Variants in UNC80 observed in about 807,000 individuals in gnomAD.
UNC80 encodes the protein protein unc-80 homolog.
UNC80 carries 164 observed loss-of-function variants against 384.6 expected under a neutral mutation model. The ratio of observed to expected loss-of-function variants is 0.43; its 90% CI spans 0.38 to 0.49. The LOEUF is 0.49. Ranked by LOEUF, UNC80 falls within the 20% of genes least tolerant of loss-of-function variation. The probability of loss-of-function intolerance (pLI) is 0.00; values close to 1 mark genes in which losing one functional copy is unlikely to be tolerated. For synonymous variants in UNC80, 1,486 were observed against 1,527.8 expected, an observed-to-expected ratio of 0.97 and a Z score of 0.64; for missense variants, 3,330 against 4,143.0, an observed-to-expected ratio of 0.80 and a Z score of 5.39.
intron 28 of UNC80, among the ~76,000 whole-genome samples, chr2:209,900,706 G>A (rs1245578410): frequency 6.6e-6 from 1 of 152,228 alleles, no homozygotes; most frequent in Non-Finnish European, 1.5e-5. Flanking sequence ...TGCACTGAAA[G>A]TTAGGCCTCT....
rs372351265 is a variant in UNC80 at position 209,822,856 on chromosome 2, A to G, written c.2331+2177A>G. Reference sequence around the variant, plus strand: ...ACCAGAGTTATCACTTTTGATCAGTATGGGATTTTTAAAGTCAGATTATGT... The same window carrying G: ...ACCAGAGTTATCACTTTTGATCAGTGTGGGATTTTTAAAGTCAGATTATGT... On this transcript the variant is annotated intron_variant, in intron 13 of 64. Coordinates refer to ENST00000673920, the MANE Select transcript of UNC80 (RefSeq NM_001371986.1). 5.3e-5 allele frequency among the ~76,000 whole-genome samples: 8 copies of G among 152,286 alleles called. No homozygotes were observed. In the East Asian group the frequency reaches 1.2e-3, roughly 22 times the overall value.
chr2:209,790,927 A>AT (rs1057121458), intron 6 of UNC80, among the ~76,000 whole-genome samples: 67 of 152,218 alleles, frequency 4.4e-4, no homozygotes, highest in East Asian at 3.9e-4. Context: ...TTAACAGGGT[A>AT]TTTTTTTCTT....
In UNC80 at chr2:209,829,878, A is replaced by T. The variant is rs544318617; in HGVS notation, c.2626+499A>T. The stretch of plus-strand genomic sequence containing the variant: ...CACAATTTTGACACACACATACTTA[A>T]TTTTTTTTAAAAAGGCAAATGGATG... On this transcript the variant is annotated intron_variant, in intron 15 of 64. Transcript: ENST00000673920. 2.0e-4 allele frequency among the ~76,000 whole-genome samples: 31 copies of T among 152,290 alleles called. No homozygotes were observed. The South Asian group carries it at 4.6e-3, about 22-fold the overall frequency.
At chr2:209,955,471 G>A (rs1205027650) in intron 48 of UNC80, among the ~76,000 whole-genome samples, 1 of 149,826 alleles carries the variant, frequency 6.7e-6, no homozygotes, top group Non-Finnish European at 1.5e-5. Context: ...AAGGAAATGG[G>A]AAGAGTTGGC....
chr2:209,866,490 C>CACACACAAACACACACA (rs1559226593), intron 22 of UNC80, among the ~76,000 whole-genome samples: 1 of 107,556 alleles, frequency 9.3e-6, no homozygotes, highest in African/African-American at 3.6e-5. Flanking sequence ...AAATGCACCC[C>CACACACAAACACACACA]CACACACACA....
At chr2:209,947,592 A>T (rs1047000182) in intron 47 of UNC80, among the ~76,000 whole-genome samples, 1 of 152,180 alleles carries the variant, frequency 6.6e-6, no homozygotes, top group African/African-American at 2.4e-5. Flanking sequence ...TTTAAACCAG[A>T]TGACATCTTG....
In UNC80 at chr2:209,872,454, C is replaced by T. The variant is rs1223083253; in HGVS notation, c.3628-304C>T. 2.0e-5 allele frequency among the ~76,000 whole-genome samples: 3 copies of T among 152,098 alleles called. No homozygotes were observed. The highest frequency in any genetic ancestry group is 1.3e-4 in the Admixed American group (2 of 15,274). On this transcript the variant is annotated intron_variant, in intron 22 of 64. Transcript: ENST00000673920. This position sits in a 1 kb window ranked among gnomAD's most constrained non-coding sequence, Gnocchi z 4.1. The stretch of plus-strand genomic sequence containing the variant: ...CACTCTACACTCAAATCGCTGTCAC[C>T]CTTAAATATACAAAGTTGGAGACAT...
chr2:209,844,476 T>TTTCTTTCC (rs2082015138), intron 21 of UNC80, among the ~76,000 whole-genome samples: 1 of 69,446 alleles, frequency 1.4e-5, no homozygotes, highest in African/African-American at 5.2e-5. Context: ...TCTTTCTTTC[T>TTTCTTTCC]TTCCTTCCTT....
intron 28 of UNC80, among the ~76,000 whole-genome samples, chr2:209,904,205 A>T (rs946072229): frequency 6.6e-6 from 1 of 152,258 alleles, no homozygotes; most frequent in African/African-American, 2.4e-5. Flanking sequence ...TCTAAAAGCC[A>T]GAGGAAAAAT....
At chr2:209,955,730 TATATATATACACAC>T (rs1395673714) in intron 48 of UNC80, among the ~76,000 whole-genome samples, 3 of 63,932 alleles carry the variant, frequency 4.7e-5, no homozygotes, top group East Asian at 3.7e-4. Context: ...TATATATATA[TATATATATACACAC>T]ACACACACAC....
At chr2:209,792,335 TTTTTG>T (rs1205916436) in intron 6 of UNC80, among the ~76,000 whole-genome samples, 1 of 152,068 alleles carries the variant, frequency 6.6e-6, no homozygotes, top group Admixed American at 6.5e-5. Context: ...TCTTAATACT[TTTTTG>T]TTTTGTTTTG....
chr2:209,803,579 T>C (rs1049919241), intron 7 of UNC80, among the ~76,000 whole-genome samples: 1 of 152,212 alleles, frequency 6.6e-6, no homozygotes, highest in South Asian at 2.1e-4. Flanking sequence ...TATGCCACCA[T>C]TATTGGCCTA....
At chr2:209,938,654 T>C (rs2091406247) in intron 42 of UNC80, among the ~76,000 whole-genome samples, 1 of 150,836 alleles carries the variant, frequency 6.6e-6, no homozygotes, top group Non-Finnish European at 1.5e-5. Context: ...CCCTAATCAA[T>C]AATGGTGCTT....
At position 209,926,871 on chromosome 2, in the gene UNC80, G is replaced by A. The variant is rs528937957; in HGVS notation, c.5691G>A (p.Pro1897=). The A allele has an allele frequency of 3.6e-5, 56 of 1,552,154 alleles. No homozygotes were observed. The highest frequency in any genetic ancestry group is 2.2e-4 in the Admixed American group (11 of 50,988). Residue 1897 remains proline (P), a synonymous_variant, in exon 36 of 65, where the codon CCG becomes CCA. Coordinates refer to ENST00000673920, the MANE Select transcript of UNC80 (RefSeq NM_001371986.1). ...EDEEHTTEHT[P]NHHVPQPPQA... ...AGGAACATACCACTGAACACACGCC[G>A]AACCACCATGTGCCTCAGCCCCCAC...
chr2:209,822,398 G>C (rs2080200313), intron 13 of UNC80, among the ~76,000 whole-genome samples: 1 of 152,072 alleles, frequency 6.6e-6, no homozygotes, highest in African/African-American at 2.4e-5. Flanking sequence ...CAGTTACTTA[G>C]GAATTAACAA....
chr2:209,844,177 T>C (rs2081966629), intron 21 of UNC80, among the ~76,000 whole-genome samples: 1 of 152,174 alleles, frequency 6.6e-6, no homozygotes, highest in African/African-American at 2.4e-5. Context: ...AGAAATTTTC[T>C]TGTGCTTTTT....
chr2:209,786,299 A>G, intron 5 of UNC80, 110 bp downstream of exon 5: 1 of 1,353,894 alleles, frequency 7.4e-7, no homozygotes, highest in Non-Finnish European at 9.9e-7. Context: ...GCAAATATCT[A>G]CATGTAGTTA....
intron 44 of UNC80, among the ~76,000 whole-genome samples, chr2:209,942,913 C>A (rs907073899): frequency 2.6e-5 from 4 of 151,796 alleles, no homozygotes; most frequent in Non-Finnish European, 5.9e-5. Flanking sequence ...AAGTTTGTAA[C>A]CTAGTTTTTT....
At chr2:209,940,042 G>T (rs74810958) in intron 43 of UNC80, among the ~76,000 whole-genome samples, 29 of 152,278 alleles carry the variant, frequency 1.9e-4, no homozygotes, top group Non-Finnish European at 4.1e-4. Context: ...TAAGTTCTCA[G>T]GTGATGCTGA....
Sources: allele counts gnomAD v4.1 joint callset (sites outside exome capture counted in the v4.1 genomes callset), GRCh38; gene constraint gnomAD v4.1.1; non-coding constraint Gnocchi (gnomAD v3.1); transcripts MANE v1.5; gene names NCBI Gene and HGNC (gene_info 2026-07-23, HGNC 2026-07-21).